Variants in DEPDC1B observed in about 807,000 individuals in gnomAD.
DEPDC1B encodes the protein DEP domain containing 1B, also known as DEP domain-containing protein 1B.
In DEPDC1B, 51 loss-of-function variants were observed where a neutral mutation model predicts 66.5. The ratio of observed to expected loss-of-function variants is 0.77; its 90% confidence interval spans 0.61 to 0.97. The LOEUF (loss-of-function observed/expected upper bound fraction) is 0.97, where lower values mean the gene tolerates loss of function less well. Ranked by LOEUF, DEPDC1B falls within the 50% of genes least tolerant of loss-of-function variation. The pLI is 0.00. For missense variants in DEPDC1B, 552 were observed against 637.1 expected (o/e 0.87, Z 1.44); for synonymous variants, 226 against 223.6 (o/e 1.01, Z -0.10).
At chr5:60,680,824 T>C (rs1754280962) in intron 2 of DEPDC1B, among the ~76,000 whole-genome samples, 1 of 152,200 alleles carries the variant, frequency 6.6e-6, no homozygotes, top group South Asian at 2.1e-4. Context: ...ATTCTGTGTG[T>C]TTACTCTTTC....
chr5:60,677,450 A>G (rs1312851438), intron 2 of DEPDC1B, among the ~76,000 whole-genome samples: 2 of 152,150 alleles, frequency 1.3e-5, no homozygotes, highest in Admixed American at 6.6e-5. Flanking sequence ...AAAACATGTG[A>G]TAGGTACTCC....
chr5:60,607,450 A>C (rs1752334293), intron 7 of DEPDC1B, among the ~76,000 whole-genome samples: 1 of 152,162 alleles, frequency 6.6e-6, no homozygotes, highest in Admixed American at 6.5e-5. Context: ...TAATATTTTA[A>C]TATATTCTTT....
chr5:60,627,604 C>T (rs1341656515), intron 7 of DEPDC1B, among the ~76,000 whole-genome samples: 1 of 152,038 alleles, frequency 6.6e-6, no homozygotes, highest in Non-Finnish European at 1.5e-5. Context: ...ATGACAAGGG[C>T]CTCTGTTGCC....
chr5:60,697,311 T>C (rs1469260692), intron 1 of DEPDC1B, among the ~76,000 whole-genome samples: 2 of 152,182 alleles, frequency 1.3e-5, no homozygotes, highest in Non-Finnish European at 2.9e-5. Flanking sequence ...TCTAAAGCTG[T>C]ACATGCTTTG....
chr5:60,665,278 T>C (rs1753811930), intron 2 of DEPDC1B, among the ~76,000 whole-genome samples: 1 of 152,200 alleles, frequency 6.6e-6, no homozygotes, highest in Non-Finnish European at 1.5e-5. Flanking sequence ...TAGGCATTAA[T>C]AGCACCCATG....
chr5:60,687,220 T>C lies in DEPDC1B; in HGVS notation c.56A>G (p.Glu19Gly), dbSNP rs1314228432. ...GPYRATRLWN[E>G]TVELFRAKMP... ...CTTAGCACGAAAAAGCTCCACGGTCTCATTCCACTAGGGGAAAGAAAGAGA... is the reference window on the plus strand; with the variant it reads ...CTTAGCACGAAAAAGCTCCACGGTCCCATTCCACTAGGGGAAAGAAAGAGA... The change falls in exon 2 of 11, where the codon GAG becomes GGG. Residue 19 changes from glutamate to glycine, a missense_variant. Glu to Gly is a moderately conservative substitution (Grantham distance 98, BLOSUM62 -2). Transcript: ENST00000265036. 2.5e-6 allele frequency: 4 copies of C among 1,607,996 alleles called. No individual in the cohort carries two copies. The highest frequency in any genetic ancestry group is 2.7e-5 in the African/African-American group (2 of 74,824).
rs202011984 is a variant in DEPDC1B at position 60,687,170 on chromosome 5, G to A, written c.106C>T (p.Arg36Cys). The change falls in exon 2 of 11, where the codon CGT becomes TGT. Residue 36 changes from arginine (R) to cysteine (C), a missense_variant. Arg to Cys is a radical substitution (Grantham distance 180). Coordinates refer to ENST00000265036, the MANE Select transcript of DEPDC1B (RefSeq NM_018369.3). ...AKMPLRKHRCRFKSYEHCFTA... is the reference protein window; with the variant it reads ...AKMPLRKHRCCFKSYEHCFTA... The stretch of plus-strand genomic sequence containing the variant: ...AAACAATGCTCATAGCTCTTGAAAC[G>A]ACAGCGATGTTTCCGTAACGGCATC... 19 of 1,613,992 alleles carry A rather than the reference G, an allele frequency of 1.2e-5. No individual in the cohort carries two copies. Among genetic ancestry groups the A allele is most frequent in the Non-Finnish European group, 1.4e-5 (16 of 1,179,880 alleles).
chr5:60,603,582 G>C lies in DEPDC1B; in HGVS notation c.1066-15C>G, dbSNP rs780368197. On this transcript the variant is annotated splice_polypyrimidine_tract_variant and intron_variant, in intron 8 of 10. Coordinates refer to ENST00000265036, the MANE Select transcript of DEPDC1B (RefSeq NM_018369.3). ...GTCTGAACCATCTAAAAAAAGAGCGGGGTGGGGGGTAAACGCAGATGAGTA... is the reference window on the plus strand; with the variant it reads ...GTCTGAACCATCTAAAAAAAGAGCGCGGTGGGGGGTAAACGCAGATGAGTA... 6.4e-7 allele frequency: 1 copy of C among 1,571,424 alleles called. No homozygotes were observed. The highest frequency in any genetic ancestry group is 8.6e-7 in the Non-Finnish European group (1 of 1,165,404).
intron 9 of DEPDC1B, among the ~76,000 whole-genome samples, chr5:60,600,559 G>C (rs1752182014): frequency 1.3e-5 from 2 of 152,166 alleles, no homozygotes; most frequent in African/African-American, 4.8e-5. Context: ...AAAGAACAAA[G>C]ATCTATAGGT....
At chr5:60,633,493 A>G (rs906506609) in intron 7 of DEPDC1B, among the ~76,000 whole-genome samples, 1 of 152,216 alleles carries the variant, frequency 6.6e-6, no homozygotes, top group South Asian at 2.1e-4. Flanking sequence ...AAGTACTCCA[A>G]TAGAAGCTCT....
intron 1 of DEPDC1B, among the ~76,000 whole-genome samples, chr5:60,692,009 A>G (rs1754557021): frequency 6.6e-6 from 1 of 152,258 alleles, no homozygotes; most frequent in Non-Finnish European, 1.5e-5. Context: ...CCTTTAAAAA[A>G]AGAAAGAAAT....
At position 60,644,729 on chromosome 5, in the gene DEPDC1B, A is replaced by T; in HGVS notation, c.709+16T>A. ...TATTATGTCAATAAGTAACAAAATT[A>T]TATTTATGCACTTACTTGACTTGTC... is the stretch of plus-strand genomic sequence containing the variant. On this transcript the variant is annotated intron_variant, in intron 5 of 10. Coordinates refer to ENST00000265036, the MANE Select transcript of DEPDC1B (RefSeq NM_018369.3). 7.0e-6 allele frequency: 11 copies of T among 1,575,394 alleles called. No homozygotes were observed. Among genetic ancestry groups the T allele is most frequent in the Non-Finnish European group, 9.5e-6 (11 of 1,162,822 alleles).
intron 7 of DEPDC1B, among the ~76,000 whole-genome samples, chr5:60,620,686 T>C (rs1236152972): frequency 1.3e-5 from 2 of 152,210 alleles, no homozygotes; most frequent in Admixed American, 1.3e-4. Context: ...TTTTACACTG[T>C]TGGTGGGACT....
At chr5:60,630,404 G>A (rs1207473105) in intron 7 of DEPDC1B, 1 of 152,280 alleles carries the variant, frequency 6.6e-6, no homozygotes, top group Admixed American at 6.5e-5. Context: ...CGGGGAAAGG[G>A]AGGACATGGA....
intron 1 of DEPDC1B, among the ~76,000 whole-genome samples, chr5:60,688,462 C>T (rs959720983): frequency 2.0e-5 from 3 of 152,172 alleles, no homozygotes; most frequent in African/African-American, 7.2e-5. Context: ...GCCTCCATTA[C>T]TCCCGGTGTA....
intron 7 of DEPDC1B, among the ~76,000 whole-genome samples, chr5:60,629,108 G>A (rs1008493374): frequency 1.3e-5 from 2 of 152,184 alleles, no homozygotes; most frequent in Admixed American, 6.5e-5. Flanking sequence ...TGAGGAGGCA[G>A]CTTCTGTACA....
chr5:60,666,454 C>G (rs1753843022), intron 2 of DEPDC1B, among the ~76,000 whole-genome samples: 1 of 152,140 alleles, frequency 6.6e-6, no homozygotes. Context: ...AAGACCCCCC[C>G]CATAACACCT....
At chr5:60,606,609 C>CAAAAAAAAAAAAA (rs60544270) in intron 7 of DEPDC1B, among the ~76,000 whole-genome samples, 1 of 46,616 alleles carries the variant, frequency 2.1e-5, no homozygotes, top group Non-Finnish European at 4.5e-5. Flanking sequence ...CCCATTTCTA[C>CAAAAAAAAAAAAA]AAAAAAAAAA....
chr5:60,606,609 CAAAAAAAA>C (rs60544270), intron 7 of DEPDC1B, among the ~76,000 whole-genome samples: 9 of 46,626 alleles, frequency 1.9e-4, no homozygotes, highest in South Asian at 7.6e-4. Context: ...CCCATTTCTA[CAAAAAAAA>C]AAAAAAAAAA....
Sources: allele counts gnomAD v4.1 joint callset (sites outside exome capture counted in the v4.1 genomes callset), GRCh38; gene constraint gnomAD v4.1.1; transcripts MANE v1.5; gene names NCBI Gene and HGNC (gene_info 2026-07-23, HGNC 2026-07-21).